Variants in SYN1 observed in about 807,000 individuals in gnomAD.
SYN1 encodes the protein synapsin I, also known as synapsin-1.
A neutral mutation model predicts 44.6 loss-of-function variants in SYN1; 8 were observed. The observed-to-expected ratio is 0.18, with a 90% CI of 0.11 to 0.32. SYN1 has a LOEUF of 0.32. Ranked by LOEUF, SYN1 falls within the 10% of genes least tolerant of loss-of-function variation. SYN1 has a pLI of 1.00. For synonymous variants in SYN1, 275 were observed against 280.1 expected (o/e 0.98, Z 0.18); for missense variants, 451 against 639.4 (o/e 0.71, Z 3.18).
intron 5 of SYN1, among the ~76,000 whole-genome samples, chrX:47,600,254 C>G (rs755811766): frequency 7.3e-5 from 8 of 109,318 alleles, no homozygotes; most frequent in African/African-American, 2.7e-4. Context: ...TGCAGTGGTG[C>G]AATCTCAGCT....
chrX:47,585,065 T>C (rs377335968), intron 5 of SYN1: 3 of 1,188,999 alleles, frequency 2.5e-6, no homozygotes, highest in Non-Finnish European at 2.3e-6. Context: ...ATCTTCCTCC[T>C]GGTCAAAACA....
chrX:47,611,751 T>A (rs2057917367), intron 1 of SYN1, among the ~76,000 whole-genome samples: 1 of 111,269 alleles, frequency 9.0e-6, no homozygotes, highest in South Asian at 3.8e-4. Flanking sequence ...GTAAGACACA[T>A]CCACTACAGA....
rs973608780 is a variant in SYN1 at position 47,574,503 on chromosome X, G to A, written c.1481C>T (p.Ser494Leu). Residue 494 changes from serine to leucine, a missense_variant, in exon 12 of 13, where the codon TCA becomes TTA. By Grantham distance (145) the Ser-to-Leu change is moderately radical. This residue lies in a region of SYN1 where 315 missense variants were observed against 451.4 expected (regional missense o/e 0.70). Coordinates refer to ENST00000295987, the MANE Select transcript of SYN1 (RefSeq NM_006950.3). ...GCTGCCAGCTGGGGGTCCAAGGCCT[G>A]AAAGGTGCTGCTGGCCCTGCGGGGG... The part of the protein sequence containing the change: ...RPPPQGQQHL[S>L]GLGPPAGSPL... 8 of 1,080,974 alleles carry A rather than the reference G, an allele frequency of 7.4e-6. No individual in the cohort carries two copies. The highest frequency in any genetic ancestry group is 8.4e-6 in the Non-Finnish European group (7 of 837,352). 89.1% of individuals were successfully genotyped at this position (1,080,974 alleles called of 1,213,427 possible).
Position 47,611,999 on chromosome X carries a change from T to C in SYN1, c.378-4801A>G, listed in dbSNP as rs763014681. Among the ~76,000 whole-genome samples, 17 of 111,586 alleles carry C rather than the reference T, an allele frequency of 1.5e-4. No homozygotes were observed. The South Asian group carries it at 6.4e-3, about 42-fold the overall frequency. On this transcript the variant is annotated intron_variant, in intron 1 of 12. Coordinates refer to ENST00000295987, the MANE Select transcript of SYN1 (RefSeq NM_006950.3). The stretch of plus-strand genomic sequence containing the variant: ...GCTCTGACCCATATTCCAGGCGACA[T>C]GTAAAGCTACCAGCTTTGTGTGAGG...
rs772896000 is a variant in SYN1 at position 47,596,418 on chromosome X, A to T, written c.774+8560T>A. Among the ~76,000 whole-genome samples the T allele has an allele frequency of 2.9e-3, 327 of 112,680 alleles. 1 individual carries two copies. Among genetic ancestry groups the T allele is most frequent in the African/African-American group, 9.6e-3 (298 of 31,081 alleles). On this transcript the variant is annotated intron_variant, in intron 5 of 12. Coordinates refer to ENST00000295987, the MANE Select transcript of SYN1 (RefSeq NM_006950.3). ...GGAATCTAGAAAACCACAAATACGC[A>T]TAAGGCTGTATGTATGCCTAGGATC...
intron 5 of SYN1, among the ~76,000 whole-genome samples, chrX:47,583,137 C>T (rs2057806725): frequency 1.0e-5 from 1 of 98,257 alleles, no homozygotes; most frequent in Non-Finnish European, 2.1e-5. Context: ...CTCAAACTTC[C>T]TCAGCCCCCT....
intron 5 of SYN1, chrX:47,584,973 C>T (rs1409400085): frequency 2.5e-6 from 3 of 1,211,492 alleles, no homozygotes; most frequent in Non-Finnish European, 3.4e-6. Context: ...CAGAAGTCAA[C>T]CAGACCACCT....
chrX:47,574,891 T>C (rs1473712284), intron 10 of SYN1, 116 bp from the exon 11 acceptor site: 5 of 813,949 alleles, frequency 6.1e-6, no homozygotes, highest in Non-Finnish European at 8.9e-6. Flanking sequence ...GTGGCTGAGC[T>C]GAGGGTACTC....
Position 47,577,580 on chromosome X carries a change from C to T in SYN1, c.775-79G>A, listed in dbSNP as rs985781082. On this transcript the variant is annotated intron_variant, in intron 5 of 12. Transcript: ENST00000295987. ...GGGGTGGGGCGGCACTGAGGGGATC[C>T]CAGCCAGTGGGAACTGCATTATGAG... The T allele has an allele frequency of 3.8e-4, 350 of 925,016 alleles. 3 individuals are homozygous for T. In the East Asian group the frequency reaches 0.012, roughly 31 times the overall value. The allele number at this position is 925,016 out of a possible 1,213,427, so 76.2% of individuals were successfully genotyped here.
chrX:47,615,767 T>C (rs1273982454), intron 1 of SYN1, among the ~76,000 whole-genome samples: 2 of 111,075 alleles, frequency 1.8e-5, no homozygotes, highest in African/African-American at 6.6e-5. Flanking sequence ...TAGCCAGGCA[T>C]AGTGGCATGT....
chrX:47,612,993 C>T (rs1021713027), intron 1 of SYN1, among the ~76,000 whole-genome samples: 4 of 110,473 alleles, frequency 3.6e-5, no homozygotes, highest in Admixed American at 1.9e-4. Flanking sequence ...ATTAGCCGGG[C>T]GTGGTGGCGC....
chrX:47,581,906 C>T (rs1251504222), intron 5 of SYN1, among the ~76,000 whole-genome samples: 1 of 111,805 alleles, frequency 8.9e-6, no homozygotes, highest in Non-Finnish European at 1.9e-5. Context: ...CTCAGTTTCC[C>T]CATTTTGTAT....
intron 6 of SYN1, 105 bp from the exon 7 acceptor site, chrX:47,576,745 T>A: frequency 2.8e-6 from 3 of 1,059,110 alleles, no homozygotes; most frequent in South Asian, 1.9e-5. Context: ...GTGAGGCGAG[T>A]ACACAAAAAT....
chrX:47,596,446 T>C (rs2057863872), intron 5 of SYN1, among the ~76,000 whole-genome samples: 1 of 112,638 alleles, frequency 8.9e-6, no homozygotes, highest in Non-Finnish European at 1.9e-5. Context: ...CTAGGATCTC[T>C]GGCTGACCTC....
At chrX:47,576,083 C>G (rs2057776593) in intron 9 of SYN1, 48 bp downstream of exon 9, 7 of 1,126,776 alleles carry the variant, frequency 6.2e-6, no homozygotes, top group Non-Finnish European at 8.4e-6. Context: ...CTGCTGCTGC[C>G]TGGCATCTGT....
In SYN1 at chrX:47,575,113, C is replaced by T. The variant is rs1246587036; in HGVS notation, c.1305+15G>A. 14 of 1,184,549 alleles carry T rather than the reference C, an allele frequency of 1.2e-5. No individual in the cohort carries two copies. Among genetic ancestry groups the T allele is most frequent in the Non-Finnish European group, 1.5e-5 (13 of 881,761 alleles). The stretch of plus-strand genomic sequence containing the variant: ...ACACTAGCTCAAGCCACTAGCTCAG[C>T]GCCAGGGGCCTGACCTGGCCATGGG... On this transcript the variant is annotated intron_variant, in intron 10 of 12. Coordinates refer to ENST00000295987, the MANE Select transcript of SYN1 (RefSeq NM_006950.3).
Position 47,609,313 on chromosome X carries a change from A to G in SYN1, c.378-2115T>C, listed in dbSNP as rs922762056. On this transcript the variant is annotated intron_variant, in intron 1 of 12. Coordinates refer to ENST00000295987, the MANE Select transcript of SYN1 (RefSeq NM_006950.3). ...AACTGCCTTGTCCAAGGTTACACCT[A>G]CTTCATGAGGGCATCCCCATGGTCT... is the stretch of plus-strand genomic sequence containing the variant. Among the ~76,000 whole-genome samples the G allele has an allele frequency of 2.7e-5, 3 of 111,995 alleles. No homozygotes were observed. The Admixed American group carries it at 2.8e-4, about 11-fold the overall frequency.
intron 5 of SYN1, 84 bp downstream of exon 5, chrX:47,604,893 CA>C (rs2057891671): frequency 4.5e-6 from 2 of 441,925 alleles, no homozygotes; most frequent in Non-Finnish European, 6.7e-6. Flanking sequence ...CTTGATATCG[CA>C]CTGCTGATAA....
At chrX:47,583,721 T>C (rs1300139640) in intron 5 of SYN1, among the ~76,000 whole-genome samples, 1 of 112,012 alleles carries the variant, frequency 8.9e-6, no homozygotes, top group Non-Finnish European at 1.9e-5. Flanking sequence ...AGGATCTGCA[T>C]GCTGGCTGCT....
Sources: gnomAD v4.1 joint callset for allele counts (sites outside exome capture counted in the v4.1 genomes callset) on GRCh38, gnomAD v4.1.1 for gene constraint, gnomAD v4.1.1 regional missense constraint, MANE v1.5 for transcripts, NCBI Gene and HGNC (gene_info 2026-07-23, HGNC 2026-07-21) for gene names.